EPS8L2: variants seen among roughly 807,000 people sequenced by gnomAD.
The protein encoded by EPS8L2 is EPS8 signaling adaptor L2, also known as epidermal growth factor receptor kinase substrate 8-like protein 2.
EPS8L2 carries 81 observed loss-of-function variants against 99.4 expected under a neutral mutation model. The observed-to-expected ratio is 0.82, with a 90% CI of 0.68 to 0.98. The LOEUF (loss-of-function observed/expected upper bound fraction) is 0.98. EPS8L2 is among the 50% of genes least tolerant of loss of function. EPS8L2 has a pLI of 0.00. For missense variants in EPS8L2, 1,155 were observed against 968.8 expected (o/e 1.19, Z -2.55); for synonymous variants, 509 against 407.3 (o/e 1.25, Z -3.01).
At chr11:720,307 G>T (rs1862121438) in intron 5 of EPS8L2, 84 bp downstream of exon 5, 1 of 1,468,244 alleles carries the variant, frequency 6.8e-7, no homozygotes. Context: ...TGTGCGGCCG[G>T]TCCTCTCTGC....
At chr11:723,654 C>T (rs986348611) in intron 15 of EPS8L2, among the ~76,000 whole-genome samples, 1 of 152,108 alleles carries the variant, frequency 6.6e-6, no homozygotes, top group African/African-American at 2.4e-5. Flanking sequence ...GTGGTTTCAC[C>T]AAACACTGGC....
At chr11:726,237 G>C (rs975589184) in intron 18 of EPS8L2, 67 bp downstream of exon 18, 17 of 1,565,456 alleles carry the variant, frequency 1.1e-5, no homozygotes, top group East Asian at 2.3e-5. Context: ...AGTGTGGGGG[G>C]GGTCCCTGGG....
intron 1 of EPS8L2, 149 bp downstream of exon 1, chr11:706,437 G>T: frequency 6.5e-6 from 1 of 152,792 alleles, no homozygotes; most frequent in South Asian, 2.0e-4. Flanking sequence ...CCGAGGGCGC[G>T]GGGCAAGGGG....
At chr11:711,103 G>A (rs1013090354) in intron 4 of EPS8L2, among the ~76,000 whole-genome samples, 1 of 152,164 alleles carries the variant, frequency 6.6e-6, no homozygotes, top group African/African-American at 2.4e-5. Context: ...ATTCAGGGAG[G>A]CCCGGGCTGC....
At position 720,724 on chromosome 11, in the gene EPS8L2, T is replaced by C; in HGVS notation, c.455T>C (p.Phe152Ser). The C allele has an allele frequency of 6.3e-7, 1 of 1,585,496 alleles. No homozygotes were observed. The highest frequency in any genetic ancestry group is 8.6e-7 in the Non-Finnish European group (1 of 1,166,940). ...DSEQSKPDVH[F>S]FHCDEVEAEL... Reference sequence around the variant, plus strand: ...GAGCAGAGCAAGCCGGATGTCCACTTCTTCCACTGCGATGAGGTGGAGGTG... The same window carrying C: ...GAGCAGAGCAAGCCGGATGTCCACTCCTTCCACTGCGATGAGGTGGAGGTG... Residue 152 changes from phenylalanine to serine, a missense_variant, in exon 6 of 21, where the codon TTC (phenylalanine) becomes TCC (serine). Transcript: ENST00000318562.
rs1411271516 is a variant in EPS8L2 at position 726,144 on chromosome 11, C to T, written c.1727C>T (p.Pro576Leu). 3 of 1,609,148 alleles carry T rather than the reference C, an allele frequency of 1.9e-6. No individual in the cohort carries two copies. In the African/African-American group the frequency reaches 4.0e-5, roughly 22 times the overall value. Residue 576 changes from proline (P) to leucine (L), a missense_variant, in exon 18 of 21, where the codon CCC (proline) becomes CTC (leucine). Coordinates refer to ENST00000318562, the MANE Select transcript of EPS8L2 (RefSeq NM_022772.4). ...CCCGCCAGCCCGACCCACAAGCTAC[C>T]CCCAAGCTTCCCGGGGAACAAAGAC... ...WGPASPTHKLPPSFPGNKDEL... is the reference protein window; with the variant it reads ...WGPASPTHKLLPSFPGNKDEL...
At chr11:722,932 C>T in intron 14 of EPS8L2, 127 bp downstream of exon 14, 1 of 558,750 alleles carries the variant, frequency 1.8e-6, no homozygotes, top group Middle Eastern at 4.7e-4. Context: ...CCACCCCTCC[C>T]CAGTGCTCCC....
chr11:713,539 G>C (rs575091785), intron 4 of EPS8L2, among the ~76,000 whole-genome samples: 1 of 151,972 alleles, frequency 6.6e-6, no homozygotes, highest in Non-Finnish European at 1.5e-5. Context: ...CCGCCACCAC[G>C]CCTGGCTAAA....
At position 710,449 on chromosome 11, in the gene EPS8L2, A is replaced by ACGTCATCATGCACGAGACCT; in HGVS notation, c.131_150dup (p.Gln51SerfsTer38). 1 of 1,613,630 alleles carries ACGTCATCATGCACGAGACCT rather than the reference A, an allele frequency of 6.2e-7. No individual in the cohort carries two copies. Among genetic ancestry groups the ACGTCATCATGCACGAGACCT allele is most frequent in the Non-Finnish European group, 8.5e-7 (1 of 1,179,942 alleles). On this transcript the variant is annotated frameshift_variant, in exon 4 of 21. Coordinates refer to ENST00000318562, the MANE Select transcript of EPS8L2 (RefSeq NM_022772.4). LOFTEE classifies it high-confidence loss of function. Reference sequence around the variant, plus strand: ...CAGAGGAAGAAGTATTCCAACTCCAACGTCATCATGCACGAGACCTCGCAG... The same window carrying ACGTCATCATGCACGAGACCT: ...CAGAGGAAGAAGTATTCCAACTCCAACGTCATCATGCACGAGACCTCGTCATCATGCACGAGACCTCGCAG...
At chr11:718,373 A>T (rs1377095972) in intron 4 of EPS8L2, among the ~76,000 whole-genome samples, 2 of 152,184 alleles carry the variant, frequency 1.3e-5, no homozygotes, top group Admixed American at 6.6e-5. Flanking sequence ...AAAACCCGCC[A>T]AACCGACAAA....
chr11:712,645 C>T (rs1224681263), intron 4 of EPS8L2, among the ~76,000 whole-genome samples: 3 of 152,238 alleles, frequency 2.0e-5, no homozygotes, highest in Non-Finnish European at 4.4e-5. Context: ...CCCCCTGGTT[C>T]CCCCTTGCTG....
Position 727,194 on chromosome 11 carries a change from C to T in EPS8L2, c.*213C>T. On this transcript the variant is annotated 3_prime_UTR_variant, in exon 21 of 21. Coordinates refer to ENST00000318562, the MANE Select transcript of EPS8L2 (RefSeq NM_022772.4). The stretch of plus-strand genomic sequence containing the variant: ...CACACCAAGACTAATCTCAGCCAAA[C>T]CTGCTGCTTGGTGGTGCCAGCCCCT... 6.0e-6 allele frequency: 3 copies of T among 497,278 alleles called. No individual in the cohort carries two copies. Among genetic ancestry groups the T allele is most frequent in the South Asian group, 2.5e-5 (1 of 39,644 alleles). 30.8% of individuals were successfully genotyped at this position (497,278 alleles called of 1,614,324 possible).
rs1862015386 is a variant in EPS8L2, at chr11:715,966, ATC to A, written c.166-4094_166-4093del. Among the ~76,000 whole-genome samples the A allele has an allele frequency of 8.2e-5, 6 of 72,936 alleles. 1 individual carries two copies. Among genetic ancestry groups the A allele is most frequent in the African/African-American group, 3.6e-4 (6 of 16,698 alleles). 47.8% of individuals were successfully genotyped at this position (72,936 alleles called of 152,430 possible). On this transcript the variant is annotated intron_variant, in intron 4 of 20. Transcript: ENST00000318562. ...CTTAAGGTGAAACCTTAGATTATTT[ATC>A]TTTTTTTTTTTTTTTTTTTTCTGAG...
At chr11:710,168 T>C in intron 3 of EPS8L2, 1 of 491,898 alleles carries the variant, frequency 2.0e-6, no homozygotes, top group East Asian at 3.7e-5. Flanking sequence ...CACAGGCTGC[T>C]GGTCCCCACT....
rs185859582 is a variant in EPS8L2 at position 714,970 on chromosome 11, C to T, written c.165+4484C>T. Among the ~76,000 whole-genome samples the T allele has an allele frequency of 7.0e-4, 106 of 152,198 alleles. 1 individual carries two copies. Among genetic ancestry groups the T allele is most frequent in the Middle Eastern group, 3.4e-3 (1 of 294 alleles). On this transcript the variant is annotated intron_variant, in intron 4 of 20. Coordinates refer to ENST00000318562, the MANE Select transcript of EPS8L2 (RefSeq NM_022772.4). ...TCAGAAAGAGTTTGTGGGCCGGGCG[C>T]GGTGGCTCATGCCTGTAATCCCAGC...
At chr11:713,060 G>A (rs1238899338) in intron 4 of EPS8L2, among the ~76,000 whole-genome samples, 1 of 152,198 alleles carries the variant, frequency 6.6e-6, no homozygotes, top group Non-Finnish European at 1.5e-5. Context: ...GAGGAGTGGA[G>A]GGTGGGTGGG....
Position 720,054 on chromosome 11 carries a change from A to G in EPS8L2, c.166-8A>G, listed in dbSNP as rs755556640. 6 of 1,609,196 alleles carry G rather than the reference A, an allele frequency of 3.7e-6. No homozygotes were observed. The South Asian group carries it at 6.6e-5, about 18-fold the overall frequency. On this transcript the variant is annotated splice_region_variant and splice_polypyrimidine_tract_variant and intron_variant, in intron 4 of 20. Transcript: ENST00000318562. ...TCTGCCCAGCAGTGACCACCTGCCC[A>G]CCCCCAGCACCTGGCCACATTCATC...
chr11:720,236 G>C lies in EPS8L2; in HGVS notation c.327+13G>C. On this transcript the variant is annotated intron_variant, in intron 5 of 20. Transcript: ENST00000318562. ...CATCGAGTCACAGGTGGGGCCCAGCGCCACGGGGGACAGGGAGCACAGTGG... is the reference window on the plus strand; with the variant it reads ...CATCGAGTCACAGGTGGGGCCCAGCCCCACGGGGGACAGGGAGCACAGTGG... The C allele has an allele frequency of 6.2e-7, 1 of 1,612,310 alleles. No individual in the cohort carries two copies. Among genetic ancestry groups the C allele is most frequent in the South Asian group, 1.1e-5 (1 of 91,042 alleles).
chr11:722,290 C>A (rs1862201744), intron 12 of EPS8L2, 111 bp from the exon 13 acceptor site: 5 of 1,536,422 alleles, frequency 3.3e-6, no homozygotes, highest in Non-Finnish European at 4.4e-6. Context: ...GCTGTGTGGC[C>A]ACTCTCCCTG....
Sources: gnomAD v4.1 joint callset for allele counts (sites outside exome capture counted in the v4.1 genomes callset) on GRCh38, gnomAD v4.1.1 for gene constraint, MANE v1.5 for transcripts, NCBI Gene and HGNC (gene_info 2026-07-23, HGNC 2026-07-21) for gene names.